P4HTM: variants seen among roughly 807,000 people sequenced by gnomAD.
P4HTM encodes the protein transmembrane prolyl 4-hydroxylase.
P4HTM carries 33 observed loss-of-function variants against 55.3 expected under a neutral mutation model. The ratio of observed to expected loss-of-function variants is 0.60; its 90% CI spans 0.45 to 0.80. P4HTM has a LOEUF of 0.80. Ranked by LOEUF, P4HTM falls within the 30% of genes least tolerant of loss-of-function variation. The pLI is 0.00. For synonymous variants in P4HTM, 272 were observed against 286.4 expected (o/e 0.95, Z 0.51); for missense variants, 542 against 696.5 (o/e 0.78, Z 2.50).
chr3:48,998,327 G>C (rs1298951685), intron 2 of P4HTM: 1 of 152,330 alleles, frequency 6.6e-6, no homozygotes, highest in African/African-American at 2.4e-5. Context: ...GCATGGCCTC[G>C]CACAGGCTGT....
At chr3:48,993,179 G>A (rs1410657531) in intron 2 of P4HTM, among the ~76,000 whole-genome samples, 2 of 151,876 alleles carry the variant, frequency 1.3e-5, no homozygotes, top group Non-Finnish European at 2.9e-5. Context: ...GCACATGCCT[G>A]TAATCCCAGC....
rs1272424412 is a variant in P4HTM at position 49,004,083 on chromosome 3, G to A, written c.725-15G>A. Reference sequence around the variant, plus strand: ...TATGGGCTTGGTGGGCATTGATGGTGGGTGCCCTGTGCAGGAGTGCTGAGT... The same window carrying A: ...TATGGGCTTGGTGGGCATTGATGGTAGGTGCCCTGTGCAGGAGTGCTGAGT... On this transcript the variant is annotated splice_polypyrimidine_tract_variant and intron_variant, in intron 4 of 8. Transcript: ENST00000383729. The A allele has an allele frequency of 6.4e-6, 10 of 1,552,100 alleles. No individual in the cohort carries two copies. Among genetic ancestry groups the A allele is most frequent in the Non-Finnish European group, 8.7e-6 (10 of 1,148,052 alleles).
chr3:49,005,505 C>A, intron 6 of P4HTM: 1 of 1,342,058 alleles, frequency 7.5e-7, no homozygotes, highest in Non-Finnish European at 9.5e-7. Context: ...TGCTAGCCTA[C>A]CTTTCCCTGC....
chr3:48,993,197 G>A (rs1044048161), intron 2 of P4HTM, among the ~76,000 whole-genome samples: 1 of 151,952 alleles, frequency 6.6e-6, no homozygotes, highest in Admixed American at 6.5e-5. Context: ...AGCTACTTGG[G>A]AGGCTGAGGC....
chr3:48,993,512 G>A (rs1460773988), intron 2 of P4HTM, among the ~76,000 whole-genome samples: 1 of 152,078 alleles, frequency 6.6e-6, no homozygotes, highest in Non-Finnish European at 1.5e-5. Context: ...TCATATTGAT[G>A]TTAGGTTAAG....
chr3:49,005,282 A>G, intron 6 of P4HTM: 3 of 1,450,610 alleles, frequency 2.1e-6, no homozygotes, highest in Non-Finnish European at 2.7e-6. Context: ...ACCCACAGAC[A>G]CCAAAACTTG....
intron 2 of P4HTM, chr3:48,991,949 A>AG (rs1435128913): frequency 6.6e-6 from 1 of 152,254 alleles, no homozygotes; most frequent in Non-Finnish European, 1.5e-5. Context: ...TCCAAGGCAG[A>AG]GGGTCCTGGT....
intron 8 of P4HTM, among the ~76,000 whole-genome samples, 198 bp from the exon 9 acceptor site, chr3:49,006,489 A>C (rs1373282317): frequency 1.3e-5 from 2 of 152,228 alleles, no homozygotes; most frequent in Non-Finnish European, 2.9e-5. Context: ...CAACAGCAAG[A>C]AAGCTGGTTT....
Position 49,002,367 on chromosome 3 carries a change from A to G in P4HTM, c.628-133A>G. The G allele has an allele frequency of 2.8e-6, 2 of 711,448 alleles. No homozygotes were observed. Among genetic ancestry groups the G allele is most frequent in the Non-Finnish European group, 5.0e-6 (2 of 403,522 alleles). 44.1% of individuals were successfully genotyped at this position (711,448 alleles called of 1,614,324 possible). The stretch of plus-strand genomic sequence containing the variant: ...TTTCTACCTGCACTCACTTTGGCCC[A>G]ATGGGCTCTGCCCTGTGTCCTCATC... On this transcript the variant is annotated intron_variant, in intron 3 of 8. Coordinates refer to ENST00000383729, the MANE Select transcript of P4HTM (RefSeq NM_177939.3). This position sits in a 1 kb window ranked among gnomAD's most constrained non-coding sequence, Gnocchi z 4.4.
rs769097344 is a variant in P4HTM at position 48,992,908 on chromosome 3, C to G, written c.436+1994C>G. On this transcript the variant is annotated intron_variant, in intron 2 of 8. Transcript: ENST00000383729. The stretch of plus-strand genomic sequence containing the variant: ...TCTCAATCTCATGACCTCAGGTGAT[C>G]TGCCCTCCTCAGCCTCCCAAAGTGC... 4.6e-5 allele frequency among the ~76,000 whole-genome samples: 7 copies of G among 151,874 alleles called. No homozygotes were observed. In the South Asian group the frequency reaches 1.5e-3, roughly 32 times the overall value.
At chr3:49,003,246 G>A (rs1256247513) in intron 4 of P4HTM, 1 of 185,972 alleles carries the variant, frequency 5.4e-6, no homozygotes, top group Non-Finnish European at 1.1e-5. Flanking sequence ...AGTTAGAAAG[G>A]ACTTGGAACA....
Position 48,990,932 on chromosome 3 carries a change from T to C in P4HTM, c.436+18T>C. The C allele has an allele frequency of 6.2e-7, 1 of 1,606,436 alleles. No homozygotes were observed. ...GCTCTTCGGTAAGTCCGCCAGATACTCCTGGGAAGGGCCAGGGGCTGCGGT... is the reference window on the plus strand; with the variant it reads ...GCTCTTCGGTAAGTCCGCCAGATACCCCTGGGAAGGGCCAGGGGCTGCGGT... On this transcript the variant is annotated intron_variant, in intron 2 of 8. Coordinates refer to ENST00000383729, the MANE Select transcript of P4HTM (RefSeq NM_177939.3). The surrounding 1 kb of genome is among the most constrained non-coding windows in gnomAD (Gnocchi z 7.2).
chr3:49,001,363 C>T, intron 2 of P4HTM, 75 bp from the exon 3 acceptor site: 2 of 1,433,670 alleles, frequency 1.4e-6, no homozygotes, highest in South Asian at 2.3e-5. Flanking sequence ...CCCAGGAACC[C>T]TGAAGGGAGG....
Position 49,002,431 on chromosome 3 carries a change from T to C in P4HTM, c.628-69T>C. On this transcript the variant is annotated intron_variant, in intron 3 of 8. Coordinates refer to ENST00000383729, the MANE Select transcript of P4HTM (RefSeq NM_177939.3). The surrounding 1 kb of genome is among the most constrained non-coding windows in gnomAD (Gnocchi z 4.4). Reference sequence around the variant, plus strand: ...GAACACTTTGCTCCACAACAAGCACTGGGCCATCTGTTCTCTGCTGGCTCT... The same window carrying C: ...GAACACTTTGCTCCACAACAAGCACCGGGCCATCTGTTCTCTGCTGGCTCT... 2 of 1,126,354 alleles carry C rather than the reference T, an allele frequency of 1.8e-6. No homozygotes were observed. The allele number at this position is 1,126,354 out of a possible 1,614,324, so 69.8% of individuals were successfully genotyped here. A position where few individuals can be genotyped will look rare whatever the true frequency, so the allele number is the denominator to read the frequency against.
intron 5 of P4HTM, chr3:49,004,648 A>G (rs1331096325): frequency 4.7e-5 from 28 of 595,906 alleles, no homozygotes; most frequent in Non-Finnish European, 8.3e-5. Flanking sequence ...ATTTCCACAT[A>G]GCAGGTGTCT....
rs1202823870 is a variant in P4HTM at position 49,001,592 on chromosome 3, G to A, written c.591G>A (p.Leu197=). The A allele has an allele frequency of 1.2e-6, 2 of 1,613,206 alleles. No individual in the cohort carries two copies. Among genetic ancestry groups the A allele is most frequent in the Middle Eastern group, 1.6e-4 (1 of 6,062 alleles). ...QVSQLDLFRL[L]DQNRDGHLQL... ...GCCAGCTGGACCTCTTCCGGCTGCT[G>A]GACCAGAACCGTGATGGGCACCTTC... Residue 197 remains leucine (L), a synonymous_variant, in exon 3 of 9, where the codon CTG becomes CTA. Coordinates refer to ENST00000383729, the MANE Select transcript of P4HTM (RefSeq NM_177939.3).
At chr3:49,006,270 C>A in intron 8 of P4HTM, 83 bp downstream of exon 8, 1 of 1,453,898 alleles carries the variant, frequency 6.9e-7, no homozygotes, top group Non-Finnish European at 9.4e-7. Flanking sequence ...CAATGGAGGG[C>A]TGTTTCTGGC....
At chr3:48,998,676 A>T (rs1257889129) in intron 2 of P4HTM, among the ~76,000 whole-genome samples, 6 of 152,158 alleles carry the variant, frequency 3.9e-5, no homozygotes, top group African/African-American at 1.4e-4. Context: ...TCTTAAAGTG[A>T]GGAAACAGGG....
In P4HTM at chr3:49,007,115, A is replaced by G. The variant is rs1212517723; in HGVS notation, c.*208A>G. The G allele has an allele frequency of 7.3e-6, 5 of 688,930 alleles. No individual in the cohort carries two copies. The East Asian group carries it at 1.4e-4, about 19-fold the overall frequency. The allele number at this position is 688,930 out of a possible 1,614,324, so 42.7% of individuals were successfully genotyped here. ...GTCAAATAAAAAACCACAAGGTTCGAGCCGCCGGGCCCGACAAACTCCGGG... is the reference window on the plus strand; with the variant it reads ...GTCAAATAAAAAACCACAAGGTTCGGGCCGCCGGGCCCGACAAACTCCGGG... On this transcript the variant is annotated 3_prime_UTR_variant, in exon 9 of 9. Transcript: ENST00000383729. The surrounding 1 kb of genome is among the most constrained non-coding windows in gnomAD (Gnocchi z 5.1).
Sources: allele counts gnomAD v4.1 joint callset (sites outside exome capture counted in the v4.1 genomes callset), GRCh38; gene constraint gnomAD v4.1.1; non-coding constraint Gnocchi (gnomAD v3.1); transcripts MANE v1.5; gene names NCBI Gene and HGNC (gene_info 2026-07-23, HGNC 2026-07-21).